Variants in DPP10 observed in about 807,000 individuals in gnomAD.
DPP10 encodes the protein dipeptidyl peptidase like 10.
DPP10 carries 33 observed loss-of-function variants against 120.9 expected under a neutral mutation model. The observed-to-expected ratio is 0.27, with a 90% confidence interval of 0.21 to 0.37. DPP10 has a LOEUF of 0.37. DPP10 is among the 10% of genes least tolerant of loss of function. The pLI, the probability that DPP10 is intolerant of heterozygous loss-of-function variation, is 1.00. For synonymous variants in DPP10, 337 were observed against 326.1 expected (o/e 1.03, Z -0.36); for missense variants, 816 against 942.8 (o/e 0.87, Z 1.76).
At chr2:115,585,726 A>G (rs537849150) in intron 5 of DPP10, among the ~76,000 whole-genome samples, 15 of 152,134 alleles carry the variant, frequency 9.9e-5, no homozygotes, top group African/African-American at 3.1e-4. Flanking sequence ...ATTCATTTTT[A>G]GTTTATATTT....
chr2:115,791,078 C>T lies in DPP10; in HGVS notation c.1532-3C>T. The T allele has an allele frequency of 2.1e-5, 33 of 1,605,674 alleles. No homozygotes were observed. Among genetic ancestry groups the T allele is most frequent in the Non-Finnish European group, 2.8e-5 (33 of 1,176,610 alleles). On this transcript the variant is annotated splice_region_variant and splice_polypyrimidine_tract_variant and intron_variant, in intron 17 of 25. Transcript: ENST00000410059. ...TATTTACACTACCCTTTTTGGTTTA[C>T]AGAATATTTTATATTGGAAAGCAAT... is the stretch of plus-strand genomic sequence containing the variant.
intron 2 of DPP10, among the ~76,000 whole-genome samples, chr2:115,320,440 C>G (rs1057013133): frequency 2.0e-5 from 3 of 151,666 alleles, no homozygotes; most frequent in African/African-American, 7.3e-5. Context: ...ATGCTGCTTT[C>G]TTTTGTGTTT....
At chr2:114,802,490 C>T (rs1226020443) in intron 1 of DPP10, among the ~76,000 whole-genome samples, 1 of 147,418 alleles carries the variant, frequency 6.8e-6, no homozygotes, top group Admixed American at 6.9e-5. Flanking sequence ...ATCCTCTTCC[C>T]TGCTCTCTTT....
intron 1 of DPP10, among the ~76,000 whole-genome samples, chr2:114,540,872 A>C (rs920735805): frequency 1.3e-5 from 2 of 152,152 alleles, no homozygotes; most frequent in Non-Finnish European, 2.9e-5. Flanking sequence ...ATCTCTTCTT[A>C]GTCTTACCTT....
chr2:115,803,899 A>G (rs1330207859), intron 19 of DPP10, among the ~76,000 whole-genome samples: 1 of 151,944 alleles, frequency 6.6e-6, no homozygotes, highest in East Asian at 1.9e-4. Flanking sequence ...GAATCTGACA[A>G]TTATGTGTCT....
intron 1 of DPP10, among the ~76,000 whole-genome samples, chr2:115,038,766 G>C (rs1295662482): frequency 6.6e-6 from 1 of 152,168 alleles, no homozygotes; most frequent in Non-Finnish European, 1.5e-5. Context: ...CGCTTTACAA[G>C]TAAGGAAGCT....
intron 7 of DPP10, among the ~76,000 whole-genome samples, chr2:115,715,269 G>T (rs930854343): frequency 8.7e-4 from 128 of 146,480 alleles, no homozygotes; most frequent in African/African-American, 3.0e-3. Context: ...AACCCAGGAG[G>T]TGGCGGTTGC....
chr2:115,795,423 C>T (rs1465926453), intron 19 of DPP10, among the ~76,000 whole-genome samples: 1 of 152,122 alleles, frequency 6.6e-6, no homozygotes, highest in Admixed American at 6.6e-5. Flanking sequence ...ACTTTCTTTC[C>T]TTTCTCTGAA....
chr2:115,805,559 G>T (rs1441032952), intron 19 of DPP10, among the ~76,000 whole-genome samples: 1 of 150,148 alleles, frequency 6.7e-6, no homozygotes, highest in Admixed American at 6.6e-5. Flanking sequence ...GTTCCTATTC[G>T]GCCATCTTGG....
intron 1 of DPP10, among the ~76,000 whole-genome samples, chr2:115,048,144 C>T (rs893066916): frequency 1.3e-5 from 2 of 152,104 alleles, no homozygotes; most frequent in Non-Finnish European, 2.9e-5. Flanking sequence ...CGGTCAACAG[C>T]GTATTGTATA....
In DPP10 at chr2:115,095,947, T is replaced by G. The variant is rs148063209; in HGVS notation, c.61-213292T>G. 1.2e-4 allele frequency among the ~76,000 whole-genome samples: 19 copies of G among 152,268 alleles called. No homozygotes were observed. The East Asian group carries it at 3.3e-3, about 26-fold the overall frequency. ...GAGCAAGCCTCTTGATCTTTCTGAA[T>G]TTTAGCTTCTTCATGGGTAGGGTGA... On this transcript the variant is annotated intron_variant, in intron 1 of 25. Transcript: ENST00000410059.
At chr2:115,167,602 C>T (rs1290258809) in intron 1 of DPP10, among the ~76,000 whole-genome samples, 1 of 111,710 alleles carries the variant, frequency 9.0e-6, no homozygotes, top group Admixed American at 9.9e-5. Flanking sequence ...ACGAGACCGT[C>T]TCAAAAAAAA....
intron 1 of DPP10, among the ~76,000 whole-genome samples, chr2:115,018,102 A>G (rs1040626927): frequency 6.6e-6 from 1 of 152,172 alleles, no homozygotes; most frequent in Non-Finnish European, 1.5e-5. Flanking sequence ...AACAAACATG[A>G]AAAAAAGCTC....
chr2:115,016,668 AC>A (rs1407184484), intron 1 of DPP10, among the ~76,000 whole-genome samples: 1 of 151,794 alleles, frequency 6.6e-6, no homozygotes, highest in African/African-American at 2.4e-5. Context: ...GAAAAAAAAA[AC>A]AACCCATCAA....
Position 114,979,589 on chromosome 2 carries a change from G to A in DPP10, c.61-329650G>A, listed in dbSNP as rs75567682. On this transcript the variant is annotated intron_variant, in intron 1 of 25. Transcript: ENST00000410059. ...CGTTTGATAATGTGTAAATATGTTG[G>A]ACATATAATCTTATATTTTGAAAAC... is the stretch of plus-strand genomic sequence containing the variant. Among the ~76,000 whole-genome samples the A allele has an allele frequency of 9.9e-3, 1,500 of 152,024 alleles. 15 individuals carry two copies. The highest frequency in any genetic ancestry group is 0.013 in the Non-Finnish European group (893 of 67,900).
intron 5 of DPP10, among the ~76,000 whole-genome samples, chr2:115,577,485 C>G (rs555386080): frequency 6.6e-6 from 1 of 152,004 alleles, no homozygotes; most frequent in Non-Finnish European, 1.5e-5. Flanking sequence ...ATTTTTAATG[C>G]GATGAGATAA....
At chr2:114,926,394 G>A (rs1470354163) in intron 1 of DPP10, among the ~76,000 whole-genome samples, 1 of 152,160 alleles carries the variant, frequency 6.6e-6, no homozygotes, top group East Asian at 1.9e-4. Context: ...TCATTTGGGG[G>A]CTAGAGTGCT....
chr2:114,732,752 GC>G (rs1677038874), intron 1 of DPP10, among the ~76,000 whole-genome samples: 1 of 152,092 alleles, frequency 6.6e-6, no homozygotes, highest in African/African-American at 2.4e-5. Context: ...GCTAATAATG[GC>G]CGATAGTATA....
Position 115,814,993 on chromosome 2 carries a change from T to C in DPP10, c.1895+6T>C. On this transcript the variant is annotated splice_donor_region_variant and intron_variant, in intron 20 of 25. Transcript: ENST00000410059. ...GACCAAATAACAGCTGTGAAGTAAG[T>C]GGATGCACATTTTTCTTCTCTGTTT... 3.2e-6 allele frequency: 5 copies of C among 1,580,964 alleles called. No individual in the cohort carries two copies. Among genetic ancestry groups the C allele is most frequent in the Non-Finnish European group, 4.3e-6 (5 of 1,155,384 alleles).
Sources: gnomAD v4.1 joint callset for allele counts (sites outside exome capture counted in the v4.1 genomes callset) on GRCh38, gnomAD v4.1.1 for gene constraint, MANE v1.5 for transcripts, NCBI Gene and HGNC (gene_info 2026-07-23, HGNC 2026-07-21) for gene names.